EPB41L2: variants seen among roughly 807,000 people sequenced by gnomAD.
EPB41L2 encodes erythrocyte membrane protein band 4.1 like 2, also known as band 4.1-like protein 2.
Under a neutral mutation model 113.0 loss-of-function variants are expected in EPB41L2, and 43 were observed. That is an observed-to-expected ratio of 0.38 (90% CI 0.30 to 0.49). The LOEUF (loss-of-function observed/expected upper bound fraction) is 0.49. Ranked by LOEUF, EPB41L2 falls within the 20% of genes least tolerant of loss-of-function variation. The probability of loss-of-function intolerance (pLI) is 0.95; values close to 1 mark genes in which losing one functional copy is unlikely to be tolerated. For missense variants in EPB41L2, 1,147 were observed against 1,223.4 expected (o/e 0.94, Z 0.93); for synonymous variants, 442 against 436.7 (o/e 1.01, Z -0.15).
At chr6:130,899,653 G>C in intron 7 of EPB41L2, 75 bp from the exon 8 acceptor site, 1 of 1,384,742 alleles carries the variant, frequency 7.2e-7, no homozygotes, top group East Asian at 2.3e-5. Context: ...AGGAGTGTCT[G>C]TGCTCAGAGG....
At chr6:131,006,542 C>T (rs1012583653) in intron 1 of EPB41L2, among the ~76,000 whole-genome samples, 6 of 151,240 alleles carry the variant, frequency 4.0e-5, no homozygotes, top group South Asian at 4.2e-4. Context: ...TGGTGGTGCG[C>T]GCCTGTATTT....
At chr6:130,946,306 A>G (rs1027318975) in intron 3 of EPB41L2, among the ~76,000 whole-genome samples, 2 of 152,294 alleles carry the variant, frequency 1.3e-5, no homozygotes, top group East Asian at 3.9e-4. Context: ...GGCCATTTCC[A>G]TAGTATTTTT....
intron 1 of EPB41L2, among the ~76,000 whole-genome samples, chr6:131,000,017 T>C (rs1784022258): frequency 6.6e-6 from 1 of 152,192 alleles, no homozygotes; most frequent in Non-Finnish European, 1.5e-5. Context: ...TACCCCTCAG[T>C]GTTTTCTCAA....
chr6:130,939,704 T>C (rs1333328434), intron 3 of EPB41L2, among the ~76,000 whole-genome samples: 3 of 152,108 alleles, frequency 2.0e-5, no homozygotes, highest in Admixed American at 6.5e-5. Flanking sequence ...ATGAAAAGCA[T>C]CTGCAAGAAA....
chr6:131,056,802 TG>T (rs1797687178), intron 1 of EPB41L2, among the ~76,000 whole-genome samples: 1 of 152,256 alleles, frequency 6.6e-6, no homozygotes, highest in Non-Finnish European at 1.5e-5. Context: ...ATGGCATATG[TG>T]GCAGTCTAAC....
intron 1 of EPB41L2, among the ~76,000 whole-genome samples, chr6:131,006,490 C>T (rs900552489): frequency 1.3e-5 from 2 of 151,640 alleles, no homozygotes; most frequent in African/African-American, 4.8e-5. Flanking sequence ...GACAAAACCC[C>T]GTCTCTACTA....
At chr6:130,953,593 C>T (rs1378517241) in intron 3 of EPB41L2, among the ~76,000 whole-genome samples, 1 of 151,928 alleles carries the variant, frequency 6.6e-6, no homozygotes, top group African/African-American at 2.4e-5. Context: ...GTGCAGCACA[C>T]CAACACGGCG....
At chr6:131,028,033 A>T (rs1791260346) in intron 1 of EPB41L2, among the ~76,000 whole-genome samples, 1 of 152,224 alleles carries the variant, frequency 6.6e-6, no homozygotes, top group African/African-American at 2.4e-5. Flanking sequence ...TTAAAATTAG[A>T]TATCTGAGTT....
At chr6:130,865,698 T>A (rs1434806003) in intron 16 of EPB41L2, 64 bp from the exon 17 acceptor site, 41 of 1,516,598 alleles carry the variant, frequency 2.7e-5, no homozygotes, top group Non-Finnish European at 3.5e-5. Context: ...TCAGAGAAGA[T>A]CCCCGCCCCA....
chr6:131,017,016 T>C lies in EPB41L2; in HGVS notation c.-15+46139A>G, dbSNP rs114118625. On this transcript the variant is annotated intron_variant, in intron 1 of 19. Coordinates refer to ENST00000337057, the MANE Select transcript of EPB41L2 (RefSeq NM_001431.4). ...CAATAAATCTGCTGCATAAATGAAG[T>C]ATACCTAGACATTAAATTGTGTGTT... Among the ~76,000 whole-genome samples, 557 of 152,284 alleles carry C rather than the reference T, an allele frequency of 3.7e-3. 2 individuals carry two copies. The highest frequency in any genetic ancestry group is 0.013 in the African/African-American group (539 of 41,548).
chr6:130,876,673 C>A (rs1787658453), intron 14 of EPB41L2: 1 of 1,302,910 alleles, frequency 7.7e-7, no homozygotes, highest in Middle Eastern at 2.1e-4. Context: ...AAGGTGAACA[C>A]CTTGTCCGTC....
chr6:130,955,954 T>G, intron 2 of EPB41L2, 40 bp downstream of exon 2: 1 of 1,580,854 alleles, frequency 6.3e-7, no homozygotes, highest in South Asian at 1.2e-5. Context: ...GTGGTTACGC[T>G]ATCAGGTTTT....
intron 1 of EPB41L2, among the ~76,000 whole-genome samples, chr6:131,059,068 T>G (rs1798155332): frequency 6.7e-6 from 1 of 148,634 alleles, no homozygotes; most frequent in South Asian, 2.1e-4. Flanking sequence ...CATTTCTAGA[T>G]GATAACTGAG....
chr6:130,963,260 T>A (rs911418499), intron 1 of EPB41L2, among the ~76,000 whole-genome samples: 1 of 152,180 alleles, frequency 6.6e-6, no homozygotes, highest in African/African-American at 2.4e-5. Flanking sequence ...GAGGAGAGCA[T>A]TAGAAAATAA....
chr6:130,955,117 G>C lies in EPB41L2; in HGVS notation c.693C>G (p.Ser231Arg). The change falls in exon 3 of 20, where the codon AGC becomes AGG. Residue 231 changes from serine (S) to arginine (R), a missense_variant. By Grantham distance (110) the Ser-to-Arg change is moderately radical. Coordinates refer to ENST00000337057, the MANE Select transcript of EPB41L2 (RefSeq NM_001431.4). The stretch of plus-strand genomic sequence containing the variant: ...CTCCCTATCTCACCTCCAGGTCACA[G>C]CTGTATTCGGTGCCATCTAAGAGGG... ...KVTLLDGTEY[S>R]CDLEKHAKGQ... 1 of 1,614,128 alleles carries C rather than the reference G, an allele frequency of 6.2e-7. No individual in the cohort carries two copies. The highest frequency in any genetic ancestry group is 8.5e-7 in the Non-Finnish European group (1 of 1,179,994).
At position 130,897,272 on chromosome 6, in the gene EPB41L2, C is replaced by T. The variant is rs890384792; in HGVS notation, c.1237-2153G>A. On this transcript the variant is annotated intron_variant, in intron 8 of 19. Coordinates refer to ENST00000337057, the MANE Select transcript of EPB41L2 (RefSeq NM_001431.4). ...GGCAATGAAAAATAAAGACACAAAA[C>T]TTTAAACGACATGAAATATGAAAAG... Among the ~76,000 whole-genome samples the T allele has an allele frequency of 6.3e-4, 96 of 151,744 alleles. 3 individuals are homozygous for T. The highest frequency in any genetic ancestry group is 4.2e-4 in the South Asian group (2 of 4,798).
chr6:130,945,334 A>G lies in EPB41L2; in HGVS notation c.705+9771T>C, dbSNP rs904137784. 5.3e-5 allele frequency among the ~76,000 whole-genome samples: 8 copies of G among 152,240 alleles called. 1 individual carries two copies. Among genetic ancestry groups the G allele is most frequent in the African/African-American group, 1.9e-4 (8 of 41,462 alleles). Reference sequence around the variant, plus strand: ...ATTGGATTTCCGAGACCCGAACTCAACACAAGAAAGGCAAAAAGACCTCGA... The same window carrying G: ...ATTGGATTTCCGAGACCCGAACTCAGCACAAGAAAGGCAAAAAGACCTCGA... On this transcript the variant is annotated intron_variant, in intron 3 of 19. Transcript: ENST00000337057.
chr6:130,863,318 G>T (rs1782729829), intron 18 of EPB41L2, among the ~76,000 whole-genome samples: 1 of 152,180 alleles, frequency 6.6e-6, no homozygotes, highest in African/African-American at 2.4e-5. Flanking sequence ...GCATTGAACT[G>T]CCATTCATTT....
chr6:130,940,869 A>C (rs1284969474), intron 3 of EPB41L2, among the ~76,000 whole-genome samples: 3 of 152,140 alleles, frequency 2.0e-5, no homozygotes, highest in Non-Finnish European at 4.4e-5. Flanking sequence ...CTTTTGTATT[A>C]CTTTTCAGAA....
Sources: allele counts gnomAD v4.1 joint callset (sites outside exome capture counted in the v4.1 genomes callset), GRCh38; gene constraint gnomAD v4.1.1; transcripts MANE v1.5; gene names NCBI Gene and HGNC (gene_info 2026-07-23, HGNC 2026-07-21).